PALLD: variants seen among roughly 807,000 people sequenced by gnomAD.
PALLD encodes the protein palladin, cytoskeletal associated protein, also known as palladin.
A neutral mutation model predicts 123.5 loss-of-function variants in PALLD; 61 were observed. The observed-to-expected ratio is 0.49, with a 90% CI of 0.40 to 0.61. The LOEUF (loss-of-function observed/expected upper bound fraction) is 0.61, where lower values mean the gene tolerates loss of function less well. Ranked by LOEUF, PALLD falls within the 20% of genes least tolerant of loss-of-function variation. The pLI is 0.00. For synonymous variants in PALLD, 465 were observed against 496.4 expected (o/e 0.94, Z 0.84); for missense variants, 1,273 against 1,377.0 (o/e 0.92, Z 1.20).
chr4:168,882,343 A>C (rs576945536), intron 10 of PALLD, among the ~76,000 whole-genome samples: 7 of 152,320 alleles, frequency 4.6e-5, no homozygotes, highest in African/African-American at 1.7e-4. Flanking sequence ...ACTTAGGTTC[A>C]TCTCAAATAA....
At chr4:168,595,327 C>T (rs1256343296) in intron 2 of PALLD, among the ~76,000 whole-genome samples, 1 of 152,128 alleles carries the variant, frequency 6.6e-6, no homozygotes. Flanking sequence ...ATAAATTAGA[C>T]ACTTTTCCAA....
intron 4 of PALLD, 60 bp downstream of exon 4, chr4:168,681,458 G>A: frequency 9.3e-7 from 1 of 1,076,372 alleles, no homozygotes; most frequent in Non-Finnish European, 1.4e-6. Flanking sequence ...GAATGGTTGG[G>A]GTATGAAACC....
intron 10 of PALLD, among the ~76,000 whole-genome samples, chr4:168,744,801 A>C (rs776425384): frequency 5.9e-5 from 9 of 152,186 alleles, no homozygotes; most frequent in Non-Finnish European, 1.0e-4. Context: ...ATTACATGAG[A>C]TATTCAACAC....
At chr4:168,572,408 C>G (rs1292219929) in intron 2 of PALLD, among the ~76,000 whole-genome samples, 1 of 152,082 alleles carries the variant, frequency 6.6e-6, no homozygotes, top group East Asian at 1.9e-4. Flanking sequence ...AACTGGGGTA[C>G]AAACTCAGGT....
chr4:168,774,535 C>G (rs576066039), intron 10 of PALLD, among the ~76,000 whole-genome samples: 1 of 152,166 alleles, frequency 6.6e-6, no homozygotes, highest in South Asian at 2.1e-4. Context: ...TGAGACCAGC[C>G]TGGCCAACAT....
At chr4:168,860,810 C>T (rs1175741700) in intron 10 of PALLD, among the ~76,000 whole-genome samples, 1 of 152,058 alleles carries the variant, frequency 6.6e-6, no homozygotes, top group African/African-American at 2.4e-5. Context: ...ATGACAGAGT[C>T]TCAAAAAACA....
At chr4:168,892,424 C>G (rs1021153285) in intron 11 of PALLD, among the ~76,000 whole-genome samples, 1 of 152,106 alleles carries the variant, frequency 6.6e-6, no homozygotes, top group African/African-American at 2.4e-5. Context: ...ACTGTGAGAA[C>G]AGACCACACT....
At chr4:168,598,407 T>C in intron 2 of PALLD, 1 of 628,674 alleles carries the variant, frequency 1.6e-6, no homozygotes, top group Non-Finnish European at 3.1e-6. Context: ...CCAAGCTGAC[T>C]TAATATTCCA....
intron 2 of PALLD, among the ~76,000 whole-genome samples, chr4:168,644,063 A>G (rs1777204389): frequency 6.6e-6 from 1 of 151,024 alleles, no homozygotes. Context: ...GCTTCCAGTG[A>G]TGAAGAGGAA....
intron 10 of PALLD, chr4:168,877,770 A>T: frequency 1.7e-6 from 2 of 1,194,414 alleles, no homozygotes; most frequent in Non-Finnish European, 2.1e-6. Flanking sequence ...CGACTGGAGC[A>T]GGAGGCCGGC....
intron 10 of PALLD, among the ~76,000 whole-genome samples, chr4:168,887,898 T>A (rs1006745744): frequency 1.3e-5 from 2 of 152,032 alleles, no homozygotes; most frequent in Non-Finnish European, 2.9e-5. Context: ...ATTATTTGAG[T>A]GTCTGTTAAC....
At chr4:168,790,892 G>T (rs1305986665) in intron 10 of PALLD, among the ~76,000 whole-genome samples, 4 of 152,114 alleles carry the variant, frequency 2.6e-5, no homozygotes, top group African/African-American at 9.7e-5. Context: ...GTGGAGATTT[G>T]ACATCTTTAG....
At chr4:168,831,600 T>C (rs1744210161) in intron 10 of PALLD, among the ~76,000 whole-genome samples, 1 of 152,146 alleles carries the variant, frequency 6.6e-6, no homozygotes, top group Non-Finnish European at 1.5e-5. Flanking sequence ...ACAGCCCCAG[T>C]CCCAGCCCCA....
chr4:168,590,681 C>G (rs115520540), intron 2 of PALLD, among the ~76,000 whole-genome samples: 2 of 151,990 alleles, frequency 1.3e-5, no homozygotes, highest in African/African-American at 2.4e-5. Flanking sequence ...AGAAAATGAG[C>G]AAGGGACTGG....
At position 168,890,946 on chromosome 4, in the gene PALLD, A is replaced by G. The variant is rs1231611217; in HGVS notation, c.1989A>G (p.Arg663=). Residue 663 remains arginine, a synonymous_variant, in exon 11 of 22, where the codon AGA becomes AGG. Coordinates refer to ENST00000505667, the MANE Select transcript of PALLD (RefSeq NM_001166108.2). The part of the protein sequence containing the change: ...PKLGFPKKAS[R]TARIASDEEI... ...GAGGATTTCCAAAGAAGGCCAGTAG[A>G]ACTGCTAGAATAGCCTCCGATGAGG... 1 of 1,613,984 alleles carries G rather than the reference A, an allele frequency of 6.2e-7. No individual in the cohort carries two copies. Among genetic ancestry groups the G allele is most frequent in the Non-Finnish European group, 8.5e-7 (1 of 1,179,940 alleles).
intron 8 of PALLD, among the ~76,000 whole-genome samples, chr4:168,695,078 G>A (rs1016888850): frequency 2.6e-5 from 4 of 152,060 alleles, no homozygotes; most frequent in Admixed American, 6.6e-5. Context: ...ACACAAAAAC[G>A]CGTCTTACTG....
At position 168,639,431 on chromosome 4, in the gene PALLD, C is replaced by T. The variant is rs150763420; in HGVS notation, c.909-28759C>T. On this transcript the variant is annotated intron_variant, in intron 2 of 21. Coordinates refer to ENST00000505667, the MANE Select transcript of PALLD (RefSeq NM_001166108.2). ...TTGGTCAAAGTTTGGAAAGGAGTTT[C>T]GCCCTTGCCACAACAGTCTGATTGG... 5.1e-3 allele frequency among the ~76,000 whole-genome samples: 780 copies of T among 152,268 alleles called. 8 individuals carry two copies. The highest frequency in any genetic ancestry group is 0.017 in the African/African-American group (709 of 41,554).
chr4:168,912,868 C>T (rs990209708), intron 15 of PALLD, among the ~76,000 whole-genome samples: 2 of 152,220 alleles, frequency 1.3e-5, no homozygotes, highest in East Asian at 3.9e-4. Flanking sequence ...GCTATCTCCC[C>T]GACCCCACCA....
At chr4:168,564,080 G>T (rs1312457259) in intron 2 of PALLD, among the ~76,000 whole-genome samples, 2 of 152,150 alleles carry the variant, frequency 1.3e-5, no homozygotes, top group Non-Finnish European at 2.9e-5. Flanking sequence ...GCTTCATTAG[G>T]ATGAGAAGAT....
Sources: allele counts gnomAD v4.1 joint callset (sites outside exome capture counted in the v4.1 genomes callset), GRCh38; gene constraint gnomAD v4.1.1; transcripts MANE v1.5; gene names NCBI Gene and HGNC (gene_info 2026-07-23, HGNC 2026-07-21).